The following PRKCE variants were observed in gnomAD, a reference collection of about 807,000 sequenced individuals.
The protein encoded by PRKCE is protein kinase C epsilon.
PRKCE carries 16 observed loss-of-function variants against 85.4 expected under a neutral mutation model. The observed-to-expected ratio is 0.19, with a 90% CI of 0.13 to 0.28. The LOEUF (loss-of-function observed/expected upper bound fraction) is 0.28. PRKCE is among the 10% of genes least tolerant of loss of function. The pLI, the probability that PRKCE is intolerant of heterozygous loss-of-function variation, is 1.00. For synonymous variants in PRKCE, 388 were observed against 371.5 expected (o/e 1.04, Z -0.51); for missense variants, 573 against 975.2 (o/e 0.59, Z 5.49).
intron 1 of PRKCE, among the ~76,000 whole-genome samples, chr2:45,812,806 A>G (rs1243080331): frequency 2.0e-5 from 3 of 152,210 alleles, no homozygotes; most frequent in Non-Finnish European, 1.5e-5. Context: ...AATTGATAGC[A>G]TTGTTCTCTG....
At chr2:46,168,357 C>T (rs186596636) in intron 14 of PRKCE, among the ~76,000 whole-genome samples, 3 of 152,258 alleles carry the variant, frequency 2.0e-5, no homozygotes, top group Admixed American at 6.5e-5. Flanking sequence ...CTAGGCCACG[C>T]CTGATCAAAC....
Position 46,129,961 on chromosome 2 carries a change from G to GTTT in PRKCE, c.1593-15132_1593-15131insTTT, listed in dbSNP as rs532183808. 2.7e-3 allele frequency among the ~76,000 whole-genome samples: 411 copies of GTTT among 152,320 alleles called. 1 individual carries two copies. The highest frequency in any genetic ancestry group is 9.1e-3 in the African/African-American group (379 of 41,572). On this transcript the variant is annotated intron_variant, in intron 11 of 14. Transcript: ENST00000306156. Reference sequence around the variant, plus strand: ...GTGTATATCTTAACAGCTAATCTCTGGCAATAAAAGCTGTTTGACAGTCAT... The same window carrying GTTT: ...GTGTATATCTTAACAGCTAATCTCTGTTTGCAATAAAAGCTGTTTGACAGTCAT...
chr2:45,676,301 A>C (rs1206873038), intron 1 of PRKCE: 3 of 152,180 alleles, frequency 2.0e-5, no homozygotes, highest in Non-Finnish European at 2.9e-5. Flanking sequence ...TCTTGTAACT[A>C]TTTGCCTCAT....
chr2:46,037,289 C>T (rs539272198), intron 10 of PRKCE, among the ~76,000 whole-genome samples: 2 of 152,204 alleles, frequency 1.3e-5, no homozygotes, highest in African/African-American at 2.4e-5. Flanking sequence ...ACTAAACAGG[C>T]GTACTGGCGC....
Position 46,155,919 on chromosome 2 carries a change from T to C in PRKCE, c.1921-3687T>C, listed in dbSNP as rs550940859. ...TACGTCTATCAGAGTGATCTCTTAG[T>C]GGGTGCAGCGCACCAGCATGGCACA... On this transcript the variant is annotated intron_variant, in intron 13 of 14. Transcript: ENST00000306156. This position sits in a 1 kb window ranked among gnomAD's most constrained non-coding sequence, Gnocchi z 4.7. 4.6e-5 allele frequency among the ~76,000 whole-genome samples: 7 copies of C among 151,994 alleles called. No homozygotes were observed. The highest frequency in any genetic ancestry group is 1.7e-4 in the African/African-American group (7 of 41,388).
intron 11 of PRKCE, among the ~76,000 whole-genome samples, chr2:46,115,182 C>T (rs1010857580): frequency 1.3e-5 from 2 of 152,190 alleles, no homozygotes; most frequent in African/African-American, 2.4e-5. Flanking sequence ...TAGTATTTCA[C>T]AAGTATCAAC....
rs575854986 is a variant in PRKCE, at chr2:45,926,944, T to C, written c.413-49485T>C. On this transcript the variant is annotated intron_variant, in intron 2 of 14. Transcript: ENST00000306156. ...GGATAGGACACAGAATGGTGAGAAGTATAGAACCTGTATATGTGCATGTGT... is the reference window on the plus strand; with the variant it reads ...GGATAGGACACAGAATGGTGAGAAGCATAGAACCTGTATATGTGCATGTGT... Among the ~76,000 whole-genome samples, 90 of 151,632 alleles carry C rather than the reference T, an allele frequency of 5.9e-4. 3 individuals are homozygous for C. In the South Asian group the frequency reaches 0.019, roughly 32 times the overall value.
intron 11 of PRKCE, among the ~76,000 whole-genome samples, chr2:46,111,921 C>G (rs1672294869): frequency 6.6e-6 from 1 of 152,146 alleles, no homozygotes; most frequent in African/African-American, 2.4e-5. Flanking sequence ...TTTTATATTC[C>G]CACCAGCAAT....
At chr2:45,926,215 C>G (rs1313267677) in intron 2 of PRKCE, among the ~76,000 whole-genome samples, 1 of 152,144 alleles carries the variant, frequency 6.6e-6, no homozygotes, top group Non-Finnish European at 1.5e-5. Flanking sequence ...CAATGATATG[C>G]AAGGGAACTT....
At position 45,796,989 on chromosome 2, in the gene PRKCE, C is replaced by T. The variant is rs148562689; in HGVS notation, c.349-46011C>T. The stretch of plus-strand genomic sequence containing the variant: ...ACAGTTAAGACATCATTGAGGGTTA[C>T]GTAACTCCATTTACTATTTATTTGA... On this transcript the variant is annotated intron_variant, in intron 1 of 14. Transcript: ENST00000306156. 1.5e-3 allele frequency among the ~76,000 whole-genome samples: 230 copies of T among 152,236 alleles called. 3 individuals are homozygous for T. Among genetic ancestry groups the T allele is most frequent in the African/African-American group, 4.9e-3 (205 of 41,540 alleles).
intron 1 of PRKCE, among the ~76,000 whole-genome samples, chr2:45,842,058 CAG>C (rs548676713): frequency 2.6e-3 from 268 of 104,018 alleles, no homozygotes; most frequent in African/African-American, 9.5e-3. Context: ...CCAGGGTTTC[CAG>C]AGTTACTACT....
At chr2:46,119,577 T>A (rs3768751) in intron 11 of PRKCE, among the ~76,000 whole-genome samples, 2 of 152,072 alleles carry the variant, frequency 1.3e-5, no homozygotes, top group South Asian at 4.1e-4. Flanking sequence ...GAGTTTTTAG[T>A]GTAGTGCCTC....
chr2:45,678,399 C>A (rs902005022), intron 1 of PRKCE, among the ~76,000 whole-genome samples: 4 of 152,164 alleles, frequency 2.6e-5, no homozygotes, highest in African/African-American at 9.7e-5. Flanking sequence ...TAAAAAATTT[C>A]TCCAATGTTG....
intron 1 of PRKCE, among the ~76,000 whole-genome samples, chr2:45,745,131 A>G (rs991244786): frequency 6.6e-6 from 1 of 151,926 alleles, no homozygotes; most frequent in Non-Finnish European, 1.5e-5. Flanking sequence ...TTTTCTGGGG[A>G]CTCTGAGATC....
chr2:46,187,876 GC>G lies in PRKCE; in HGVS notation c.*2997del, dbSNP rs1258644128. On this transcript the variant is annotated 3_prime_UTR_variant, in exon 15 of 15. Coordinates refer to ENST00000306156, the MANE Select transcript of PRKCE (RefSeq NM_005400.3). ...TTTCTGGATGTAATTTTAATCTCTT[GC>G]CATTCATTAGTGTTATTTCATTGTA... The G allele has an allele frequency of 6.9e-6, 1 of 144,786 alleles. No homozygotes were observed. The allele number at this position is 144,786 out of a possible 1,614,324, so 9.0% of individuals were successfully genotyped here.
chr2:46,000,274 A>T (rs1191071441), intron 6 of PRKCE, among the ~76,000 whole-genome samples: 1 of 149,860 alleles, frequency 6.7e-6, no homozygotes, highest in African/African-American at 2.5e-5. Flanking sequence ...GGAGGGAGGG[A>T]AAGAATTACA....
chr2:45,788,374 C>T (rs183455732), intron 1 of PRKCE, among the ~76,000 whole-genome samples: 96 of 152,274 alleles, frequency 6.3e-4, no homozygotes, highest in African/African-American at 1.6e-3. Context: ...TGCAGTGGCA[C>T]GTTGATGTTC....
chr2:45,923,511 A>G (rs1372902166), intron 2 of PRKCE, among the ~76,000 whole-genome samples: 1 of 152,164 alleles, frequency 6.6e-6, no homozygotes, highest in Non-Finnish European at 1.5e-5. Flanking sequence ...CCAGCTTTGG[A>G]GGTAGAGCAG....
At chr2:45,753,761 G>A (rs186186578) in intron 1 of PRKCE, among the ~76,000 whole-genome samples, 6 of 152,188 alleles carry the variant, frequency 3.9e-5, no homozygotes, top group Admixed American at 2.0e-4. Flanking sequence ...TAACATTTTT[G>A]CTTCATCTTT....
Sources: allele counts gnomAD v4.1 joint callset (sites outside exome capture counted in the v4.1 genomes callset), GRCh38; gene constraint gnomAD v4.1.1; non-coding constraint Gnocchi (gnomAD v3.1); transcripts MANE v1.5; gene names NCBI Gene and HGNC (gene_info 2026-07-23, HGNC 2026-07-21).